Variants in CFAP99 observed in about 807,000 individuals in gnomAD.
The protein encoded by CFAP99 is cilia- and flagella-associated protein 99.
In CFAP99, 84 loss-of-function variants were observed where a neutral mutation model predicts 82.7. That is an observed-to-expected ratio of 1.02 (90% CI 0.85 to 1.22). CFAP99 has a LOEUF of 1.22. CFAP99 is among the 50% of genes most tolerant of loss of function. The pLI is 0.00. For missense variants in CFAP99, 1,059 were observed against 983.5 expected (o/e 1.08, Z -1.03); for synonymous variants, 456 against 429.5 (o/e 1.06, Z -0.76).
intron 4 of CFAP99, among the ~76,000 whole-genome samples, chr4:2,438,994 A>G (rs961059926): frequency 1.3e-5 from 2 of 152,044 alleles, no homozygotes; most frequent in Non-Finnish European, 2.9e-5. Context: ...CCCGAGGGGG[A>G]GCCTGCAGGA....
intron 3 of CFAP99, among the ~76,000 whole-genome samples, chr4:2,437,563 C>A (rs1578470075): frequency 6.6e-6 from 1 of 152,248 alleles, no homozygotes; most frequent in East Asian, 1.9e-4. Flanking sequence ...AGGAGTGGGG[C>A]GAGCGCTGTA....
intron 10 of CFAP99, 21 bp downstream of exon 10, chr4:2,451,373 C>A (rs561968502): frequency 2.0e-6 from 3 of 1,532,576 alleles, no homozygotes; most frequent in South Asian, 2.4e-5. Flanking sequence ...GCAGGCCCCC[C>A]CACCTGCCTT....
At chr4:2,447,627 G>A (rs1734196483) in intron 6 of CFAP99, among the ~76,000 whole-genome samples, 1 of 149,472 alleles carries the variant, frequency 6.7e-6, no homozygotes, top group South Asian at 2.1e-4. Context: ...ATGAGTGGGT[G>A]AATGAATGGA....
chr4:2,462,442 G>A lies in CFAP99; in HGVS notation c.1662-1G>A, dbSNP rs765989380. On this transcript the variant is annotated splice_acceptor_variant, in intron 14 of 14. Transcript: ENST00000635017. LOFTEE classifies it high-confidence loss of function. This position sits in a 1 kb window ranked among gnomAD's most constrained non-coding sequence, Gnocchi z 4.1. ...CCTGAGCCCGCCGCGTCGCCCGCCA[G>A]GTGGGAGGAAAAGAAGGCCCTTGCG... 1.4e-6 allele frequency: 2 copies of A among 1,448,502 alleles called. No homozygotes were observed. Among genetic ancestry groups the A allele is most frequent in the Non-Finnish European group, 1.8e-6 (2 of 1,112,024 alleles). 89.7% of individuals were successfully genotyped at this position (1,448,502 alleles called of 1,614,324 possible). A position where few individuals can be genotyped will look rare whatever the true frequency, so the allele number is the denominator to read the frequency against.
In CFAP99 at chr4:2,462,727, C is replaced by G; in HGVS notation, c.1946C>G (p.Ser649Cys). 1 of 1,243,288 alleles carries G rather than the reference C, an allele frequency of 8.0e-7. No homozygotes were observed. The highest frequency in any genetic ancestry group is 1.0e-6 in the Non-Finnish European group (1 of 991,016). The allele number at this position is 1,243,288 out of a possible 1,614,324, so 77.0% of individuals were successfully genotyped here. Reference sequence around the variant, plus strand: ...GGATGGCGGGGAGATCGGGTCCGGTCCGCGGCCGGGAGATACGCAGCGGCG... The same window carrying G: ...GGATGGCGGGGAGATCGGGTCCGGTGCGCGGCCGGGAGATACGCAGCGGCG... Residue 649 changes from serine to cysteine, a missense_variant, in exon 15 of 15, where the codon TCC (serine) becomes TGC (cysteine). Coordinates refer to ENST00000635017, the Ensembl canonical transcript of CFAP99. This position sits in a 1 kb window ranked among gnomAD's most constrained non-coding sequence, Gnocchi z 4.1.
rs372789252 is a variant in CFAP99, at chr4:2,436,857, G to A, written c.112-17G>A. ...CCCGGCCCAGCCAGGGCCCCCCACCGGCTGTCTCTCTTCCAGGCTCTGAGC... is the reference window on the plus strand; with the variant it reads ...CCCGGCCCAGCCAGGGCCCCCCACCAGCTGTCTCTCTTCCAGGCTCTGAGC... On this transcript the variant is annotated splice_polypyrimidine_tract_variant and intron_variant, in intron 2 of 14. Transcript: ENST00000635017. The A allele has an allele frequency of 9.0e-5, 130 of 1,447,556 alleles. No individual in the cohort carries two copies. The East Asian group carries it at 1.3e-3, about 15-fold the overall frequency. The allele number at this position is 1,447,556 out of a possible 1,614,324, so 89.7% of individuals were successfully genotyped here.
chr4:2,462,902 C>A lies in CFAP99; in HGVS notation c.2121C>A (p.Pro707=). ...AGCAGGGAGGCTCAGGACCCGGGCCCGCGCGCCGCCTGGAGGCCGCCTGAG... is the reference window on the plus strand; with the variant it reads ...AGCAGGGAGGCTCAGGACCCGGGCCAGCGCGCCGCCTGGAGGCCGCCTGAG... Residue 707 remains proline, a synonymous_variant, in exon 15 of 15, where the codon CCC becomes CCA. Transcript: ENST00000635017. This position sits in a 1 kb window ranked among gnomAD's most constrained non-coding sequence, Gnocchi z 4.1. The A allele has an allele frequency of 3.0e-6, 4 of 1,317,652 alleles. 1 individual carries two copies. In the South Asian group the frequency reaches 6.4e-5, roughly 21 times the overall value. The allele number at this position is 1,317,652 out of a possible 1,614,324, so 81.6% of individuals were successfully genotyped here. A position where few individuals can be genotyped will look rare whatever the true frequency, so the allele number is the denominator to read the frequency against.
intron 2 of CFAP99, among the ~76,000 whole-genome samples, chr4:2,436,463 A>G (rs1733908641): frequency 6.6e-6 from 1 of 152,182 alleles, no homozygotes; most frequent in Non-Finnish European, 1.5e-5. Context: ...TTGTGCATCC[A>G]TCACTGCCCT....
chr4:2,454,057 G>A (rs528296682), intron 11 of CFAP99, among the ~76,000 whole-genome samples: 1 of 152,072 alleles, frequency 6.6e-6, no homozygotes, highest in African/African-American at 2.4e-5. Context: ...GGAGTGCAGT[G>A]GCATGATCAT....
In CFAP99 at chr4:2,445,407, C is replaced by G. The variant is rs527694514; in HGVS notation, c.642+99C>G. ...GGGCCTGTGGGGGACTGGGCTCCCC[C>G]CAGGGCTGAGGGTGCACTGGACCAG... On this transcript the variant is annotated intron_variant, in intron 6 of 14. Coordinates refer to ENST00000635017, the Ensembl canonical transcript of CFAP99. 5 of 1,104,144 alleles carry G rather than the reference C, an allele frequency of 4.5e-6. No homozygotes were observed. The African/African-American group carries it at 4.9e-5, about 11-fold the overall frequency. 68.4% of individuals were successfully genotyped at this position (1,104,144 alleles called of 1,614,324 possible).
At chr4:2,423,658 C>T (rs1733626924) in intron 1 of CFAP99, among the ~76,000 whole-genome samples, 2 of 152,184 alleles carry the variant, frequency 1.3e-5, no homozygotes, top group African/African-American at 4.8e-5. Context: ...GGGTGGGAAC[C>T]CTCAGAGGGT....
chr4:2,445,011 A>T, intron 5 of CFAP99, 120 bp from the exon 6 acceptor site: 1 of 644,442 alleles, frequency 1.6e-6, no homozygotes, highest in Non-Finnish European at 2.2e-6. Context: ...CCATCCCACT[A>T]TCACCTCCAC....
intron 4 of CFAP99, among the ~76,000 whole-genome samples, chr4:2,442,215 G>C (rs1442724423): frequency 6.6e-6 from 1 of 152,124 alleles, no homozygotes; most frequent in Non-Finnish European, 1.5e-5. Context: ...AGGGGACTCA[G>C]GAAAGCACAA....
In CFAP99 at chr4:2,446,389, A is replaced by G. The variant is rs1157437966; in HGVS notation, c.642+1081A>G. 2.8e-5 allele frequency among the ~76,000 whole-genome samples: 4 copies of G among 144,664 alleles called. No individual in the cohort carries two copies. Among genetic ancestry groups the G allele is most frequent in the East Asian group, 2.0e-4 (1 of 5,082 alleles). 94.9% of individuals were successfully genotyped at this position (144,664 alleles called of 152,430 possible). The stretch of plus-strand genomic sequence containing the variant: ...TGTTGTTATTATTATTATTATTATT[A>G]TTATTATTATTATTATTATTTGAGA... On this transcript the variant is annotated intron_variant, in intron 6 of 14. Transcript: ENST00000635017. This position sits in a 1 kb window ranked among gnomAD's most constrained non-coding sequence, Gnocchi z 5.0.
chr4:2,441,357 A>G lies in CFAP99; in HGVS notation c.352-1773A>G, dbSNP rs1734033951. Among the ~76,000 whole-genome samples the G allele has an allele frequency of 5.6e-5, 8 of 141,930 alleles. No individual in the cohort carries two copies. The South Asian group carries it at 1.8e-3, about 32-fold the overall frequency. 93.1% of individuals were successfully genotyped at this position (141,930 alleles called of 152,430 possible). Reference sequence around the variant, plus strand: ...CATTGCACTCCAGCCTGGGCGACAGAGCGAGACTCCATCTCAAAAAAAAAA... The same window carrying G: ...CATTGCACTCCAGCCTGGGCGACAGGGCGAGACTCCATCTCAAAAAAAAAA... On this transcript the variant is annotated intron_variant, in intron 4 of 14. Coordinates refer to ENST00000635017, the Ensembl canonical transcript of CFAP99.
chr4:2,440,484 C>T (rs1397341412), intron 4 of CFAP99, among the ~76,000 whole-genome samples: 1 of 148,876 alleles, frequency 6.7e-6, no homozygotes, highest in Non-Finnish European at 1.5e-5. Context: ...GGGCATGGTG[C>T]CTCACGCCTG....
chr4:2,426,584 C>T lies in CFAP99; in HGVS notation c.109C>T (p.Gln37Ter). 6.5e-7 allele frequency: 1 copy of T among 1,533,102 alleles called. No individual in the cohort carries two copies. 95.0% of individuals were successfully genotyped at this position (1,533,102 alleles called of 1,614,324 possible). ...CCTGGAGGCTGCGGCCACCTCCCTG[C>T]AGGTAGGATCTGCTGGGGGCTGCTG... is the stretch of plus-strand genomic sequence containing the variant. The change falls in exon 2 of 15, where the codon CAG becomes TAG. Residue 37 changes from glutamine to a stop codon, truncating the protein, a stop_gained and splice_region_variant. Transcript: ENST00000635017. LOFTEE classifies it high-confidence loss of function.
chr4:2,454,962 C>T (rs948635352), intron 11 of CFAP99, among the ~76,000 whole-genome samples: 2 of 152,322 alleles, frequency 1.3e-5, no homozygotes, highest in South Asian at 2.1e-4. Context: ...CTCTGTCGCC[C>T]AGGCTGGAGC....
rs146645898 is a variant in CFAP99 at position 2,449,557 on chromosome 4, C to T, written c.643-113C>T. ...GCCCTGTTTCTCCTCCAATGCAGGCCGCCACCACCCTCCCCTTCACCCACA... is the reference window on the plus strand; with the variant it reads ...GCCCTGTTTCTCCTCCAATGCAGGCTGCCACCACCCTCCCCTTCACCCACA... On this transcript the variant is annotated intron_variant, in intron 6 of 14. Coordinates refer to ENST00000635017, the Ensembl canonical transcript of CFAP99. 222 of 929,922 alleles carry T rather than the reference C, an allele frequency of 2.4e-4. 2 individuals are homozygous for T. The highest frequency in any genetic ancestry group is 1.9e-3 in the Middle Eastern group (7 of 3,688). The allele number at this position is 929,922 out of a possible 1,614,324, so 57.6% of individuals were successfully genotyped here.
Sources: allele counts gnomAD v4.1 joint callset (sites outside exome capture counted in the v4.1 genomes callset), GRCh38; gene constraint gnomAD v4.1.1; non-coding constraint Gnocchi (gnomAD v3.1); transcripts MANE v1.5; gene names NCBI Gene and HGNC (gene_info 2026-07-23, HGNC 2026-07-21).